Variants in XPNPEP3 observed in about 807,000 individuals in gnomAD.
XPNPEP3 encodes xaa-Pro aminopeptidase 3.
XPNPEP3 carries 41 observed loss-of-function variants against 60.0 expected under a neutral mutation model. The observed-to-expected ratio is 0.68, with a 90% confidence interval of 0.53 to 0.89. The LOEUF is 0.89. XPNPEP3 is among the 40% of genes least tolerant of loss of function. The pLI, the probability that XPNPEP3 is intolerant of heterozygous loss-of-function variation, is 0.00. For missense variants in XPNPEP3, 598 were observed against 638.9 expected, an observed-to-expected ratio of 0.94 and a Z score of 0.69; for synonymous variants, 212 against 223.2, an observed-to-expected ratio of 0.95 and a Z score of 0.45.
chr22:40,868,417 A>G (rs2057988951), intron 1 of XPNPEP3, among the ~76,000 whole-genome samples: 1 of 149,194 alleles, frequency 6.7e-6, no homozygotes, highest in Admixed American at 6.6e-5. Context: ...TACCTTTATT[A>G]TATATGTGTG....
At chr22:40,869,609 G>A (rs889341545) in intron 2 of XPNPEP3, among the ~76,000 whole-genome samples, 1 of 152,098 alleles carries the variant, frequency 6.6e-6, no homozygotes, top group African/African-American at 2.4e-5. Flanking sequence ...AGATTTGTTT[G>A]TCACAGATTT....
At chr22:40,881,042 T>C (rs2058045864) in intron 2 of XPNPEP3, among the ~76,000 whole-genome samples, 1 of 152,092 alleles carries the variant, frequency 6.6e-6, no homozygotes, top group Non-Finnish European at 1.5e-5. Flanking sequence ...TCTTGAATTA[T>C]ATACTTTATT....
chr22:40,866,652 G>A (rs1185139904), intron 1 of XPNPEP3, among the ~76,000 whole-genome samples: 1 of 152,154 alleles, frequency 6.6e-6, no homozygotes, highest in Non-Finnish European at 1.5e-5. Flanking sequence ...AGAGTTTGAA[G>A]CTTATGAACT....
intron 1 of XPNPEP3, among the ~76,000 whole-genome samples, chr22:40,857,620 G>T (rs1478358854): frequency 6.6e-6 from 1 of 152,254 alleles, no homozygotes; most frequent in Non-Finnish European, 1.5e-5. Flanking sequence ...TATACACGAA[G>T]CATGTTTAGT....
chr22:40,922,633 C>T (rs2058220863), intron 8 of XPNPEP3, 120 bp downstream of exon 8: 1 of 1,293,500 alleles, frequency 7.7e-7, no homozygotes, highest in East Asian at 2.4e-5. Context: ...TGCCTGTAAT[C>T]CCAGTAGTTT....
At chr22:40,924,091 G>T (rs2058226147) in intron 8 of XPNPEP3, among the ~76,000 whole-genome samples, 1 of 152,024 alleles carries the variant, frequency 6.6e-6, no homozygotes, top group Admixed American at 6.6e-5. Flanking sequence ...ATTTGCCACA[G>T]TCATTAGTTG....
Position 40,870,184 on chromosome 22 carries a change from C to A in XPNPEP3, c.181+1069C>A. ...AGTTGGTATTAATTTTAGTATTTAT[C>A]TACCCTATCAACCTACCTGTAGACT... On this transcript the variant is annotated intron_variant, in intron 2 of 9. Coordinates refer to ENST00000357137, the MANE Select transcript of XPNPEP3 (RefSeq NM_022098.4). The A allele has an allele frequency of 4.7e-6, 2 of 421,254 alleles. 1 individual carries two copies. Among genetic ancestry groups the A allele is most frequent in the South Asian group, 3.4e-5 (2 of 58,408 alleles). 26.1% of individuals were successfully genotyped at this position (421,254 alleles called of 1,614,324 possible). A position where few individuals can be genotyped will look rare whatever the true frequency, so the allele number is the denominator to read the frequency against.
At chr22:40,896,263 G>C (rs1216622680) in intron 4 of XPNPEP3, among the ~76,000 whole-genome samples, 1 of 151,988 alleles carries the variant, frequency 6.6e-6, no homozygotes, top group Non-Finnish European at 1.5e-5. Flanking sequence ...TCCTGAGCTC[G>C]AGCACTCTGC....
Position 40,886,535 on chromosome 22 carries a change from G to C in XPNPEP3, c.792+20G>C. ...TCACAGGTATGATTCCTATTGAAAA[G>C]TTTTTTCCAGCCGGGCGCGGTGGCT... On this transcript the variant is annotated intron_variant, in intron 4 of 9. Coordinates refer to ENST00000357137, the MANE Select transcript of XPNPEP3 (RefSeq NM_022098.4). 1 of 1,611,516 alleles carries C rather than the reference G, an allele frequency of 6.2e-7. No individual in the cohort carries two copies. Among genetic ancestry groups the C allele is most frequent in the Middle Eastern group, 1.7e-4 (1 of 5,716 alleles).
intron 4 of XPNPEP3, among the ~76,000 whole-genome samples, chr22:40,903,298 AC>A (rs1431337783): frequency 6.6e-6 from 1 of 152,080 alleles, no homozygotes; most frequent in East Asian, 1.9e-4. Flanking sequence ...CCAAAGTTAA[AC>A]GTTCTGTTTT....
chr22:40,876,989 C>T (rs558646514), intron 2 of XPNPEP3, among the ~76,000 whole-genome samples: 21 of 152,278 alleles, frequency 1.4e-4, no homozygotes, highest in African/African-American at 4.6e-4. Context: ...ACATTTCCAT[C>T]GTCCTGGAAA....
At chr22:40,879,319 T>C (rs2058038820) in intron 2 of XPNPEP3, among the ~76,000 whole-genome samples, 1 of 152,218 alleles carries the variant, frequency 6.6e-6, no homozygotes, top group Non-Finnish European at 1.5e-5. Flanking sequence ...TTTGTTTCTA[T>C]TGTAGATGTC....
chr22:40,857,773 G>T (rs2057911376), intron 1 of XPNPEP3, among the ~76,000 whole-genome samples: 1 of 152,218 alleles, frequency 6.6e-6, no homozygotes, highest in Non-Finnish European at 1.5e-5. Context: ...TCTATTGCGA[G>T]CAATTAATCT....
chr22:40,907,798 A>G (rs758793349), intron 5 of XPNPEP3, 149 bp downstream of exon 5: 3 of 799,954 alleles, frequency 3.8e-6, no homozygotes, highest in East Asian at 2.6e-5. Context: ...CTGGTCATTT[A>G]TAAGTCTAAA....
intron 9 of XPNPEP3, among the ~76,000 whole-genome samples, chr22:40,925,381 T>C (rs894747182): frequency 2.0e-5 from 3 of 152,226 alleles, no homozygotes; most frequent in African/African-American, 7.2e-5. Context: ...AAAACAGATC[T>C]AAATTTTAGA....
At chr22:40,901,527 G>A (rs544911740) in intron 4 of XPNPEP3, among the ~76,000 whole-genome samples, 3 of 152,284 alleles carry the variant, frequency 2.0e-5, no homozygotes, top group Non-Finnish European at 2.9e-5. Context: ...GAGCCACCAC[G>A]CCGGGCCTAT....
chr22:40,892,188 T>C (rs1298521293), intron 4 of XPNPEP3, among the ~76,000 whole-genome samples: 1 of 151,914 alleles, frequency 6.6e-6, no homozygotes, highest in Non-Finnish European at 1.5e-5. Context: ...GTATTTCTTT[T>C]CTTTTTTTTT....
chr22:40,914,144 GAAAA>G (rs35631136), intron 6 of XPNPEP3, 91 bp from the exon 7 acceptor site: 293 of 831,814 alleles, frequency 3.5e-4, no homozygotes, highest in Admixed American at 6.8e-4. Context: ...CTCCGTCTCA[GAAAA>G]AAAAAAAAAA....
chr22:40,874,841 C>T (rs1023633237), intron 2 of XPNPEP3, among the ~76,000 whole-genome samples: 1 of 152,198 alleles, frequency 6.6e-6, no homozygotes, highest in African/African-American at 2.4e-5. Flanking sequence ...CAAGCCAGTT[C>T]TGTGGCCATT....
Sources: allele counts gnomAD v4.1 joint callset (sites outside exome capture counted in the v4.1 genomes callset), GRCh38; gene constraint gnomAD v4.1.1; transcripts MANE v1.5; gene names NCBI Gene and HGNC (gene_info 2026-07-23, HGNC 2026-07-21).